The following MSR1 variants were observed in gnomAD, a reference collection of about 807,000 sequenced individuals.
MSR1 encodes the protein macrophage scavenger receptor 1, also known as macrophage scavenger receptor types I and II.
In MSR1, 53 loss-of-function variants were observed where a neutral mutation model predicts 47.2. That is an observed-to-expected ratio of 1.12 (90% CI 0.90 to 1.41). The LOEUF is 1.41. Among genes scored for constraint, MSR1 ranks in the 40% most tolerant of loss-of-function variants. The probability of loss-of-function intolerance (pLI) is 0.00; values close to 1 mark genes in which losing one functional copy is unlikely to be tolerated. For synonymous variants in MSR1, 239 were observed against 185.6 expected, an observed-to-expected ratio of 1.29 and a Z score of -2.34; for missense variants, 786 against 546.9, an observed-to-expected ratio of 1.44 and a Z score of -4.36.
At chr8:16,137,207 G>T (rs181275094) in intron 8 of MSR1, among the ~76,000 whole-genome samples, 1 of 152,132 alleles carries the variant, frequency 6.6e-6, no homozygotes, top group Non-Finnish European at 1.5e-5. Context: ...AGCTTTGTGA[G>T]CATTCTAGGA....
At position 16,170,493 on chromosome 8, in the gene MSR1, G is replaced by A; in HGVS notation, c.218-1623C>T. On this transcript the variant is annotated intron_variant, in intron 3 of 9. Transcript: ENST00000262101. ...ATTTATACCTTTTATCTACATGTATGTTAGTCATATTCATATTAGATTGGT... is the reference window on the plus strand; with the variant it reads ...ATTTATACCTTTTATCTACATGTATATTAGTCATATTCATATTAGATTGGT... Among the ~76,000 whole-genome samples the A allele has an allele frequency of 1.3e-5, 2 of 151,978 alleles. 1 individual carries two copies. Among genetic ancestry groups the A allele is most frequent in the Non-Finnish European group, 2.9e-5 (2 of 68,012 alleles).
chr8:16,119,808 G>A lies in MSR1; in HGVS notation c.1222+610C>T, dbSNP rs34291722. Among the ~76,000 whole-genome samples, 684 of 150,618 alleles carry A rather than the reference G, an allele frequency of 4.5e-3. 9 individuals carry two copies. The highest frequency in any genetic ancestry group is 0.016 in the African/African-American group (656 of 41,084). ...TGTAACCTGGAACTCCTGAGCCCAA[G>A]CGACCCTCCCACCTCAGCCTCTGTA... On this transcript the variant is annotated intron_variant, in intron 9 of 9. Transcript: ENST00000262101.
intron 6 of MSR1, among the ~76,000 whole-genome samples, chr8:16,154,590 G>C (rs545824082): frequency 2.6e-5 from 4 of 151,964 alleles, no homozygotes; most frequent in Admixed American, 6.6e-5. Context: ...AAGAAATATA[G>C]TCCAATTTGC....
chr8:16,149,824 G>C (rs1225362037), intron 7 of MSR1, among the ~76,000 whole-genome samples: 2 of 151,862 alleles, frequency 1.3e-5, no homozygotes, highest in Admixed American at 1.3e-4. Context: ...TTTACACTTT[G>C]CTTCTTTTTT....
At chr8:16,185,451 A>G (rs1179918072) in intron 1 of MSR1, among the ~76,000 whole-genome samples, 2 of 152,094 alleles carry the variant, frequency 1.3e-5, no homozygotes, top group Non-Finnish European at 2.9e-5. Context: ...CATTTACATC[A>G]TCTATTTATT....
At chr8:16,170,465 T>C (rs1009563165) in intron 3 of MSR1, among the ~76,000 whole-genome samples, 1 of 152,206 alleles carries the variant, frequency 6.6e-6, no homozygotes, top group East Asian at 1.9e-4. Flanking sequence ...TCTATATGTA[T>C]CTATTTATAC....
At chr8:16,156,968 G>C (rs768650214) in intron 5 of MSR1, among the ~76,000 whole-genome samples, 5 of 151,862 alleles carry the variant, frequency 3.3e-5, no homozygotes, top group African/African-American at 1.2e-4. Flanking sequence ...ACACTACATA[G>C]CAATGAATCC....
At chr8:16,152,954 G>T (rs1324855892) in intron 6 of MSR1, among the ~76,000 whole-genome samples, 2 of 151,956 alleles carry the variant, frequency 1.3e-5, no homozygotes, top group South Asian at 4.1e-4. Context: ...ATGCTTTCAA[G>T]GAAATAGCCC....
At chr8:16,169,266 G>A (rs1156539169) in intron 3 of MSR1, among the ~76,000 whole-genome samples, 1 of 152,196 alleles carries the variant, frequency 6.6e-6, no homozygotes, top group Non-Finnish European at 1.5e-5. Context: ...AAGTAAGCAT[G>A]TTGAATATGT....
rs189529817 is a variant in MSR1 at position 16,133,664 on chromosome 8, G to A, written c.1033+9894C>T. ...TGACTGGTCTGCTTTTGCTTTGACTGTAACACTTCTACCTCTTGGTAGCCA... is the reference window on the plus strand; with the variant it reads ...TGACTGGTCTGCTTTTGCTTTGACTATAACACTTCTACCTCTTGGTAGCCA... On this transcript the variant is annotated intron_variant, in intron 8 of 9. Transcript: ENST00000262101. Among the ~76,000 whole-genome samples the A allele has an allele frequency of 2.2e-3, 339 of 152,288 alleles. 1 individual carries two copies. Among genetic ancestry groups the A allele is most frequent in the Non-Finnish European group, 3.1e-3 (210 of 68,000 alleles).
At chr8:16,177,006 T>A (rs1404913187) in intron 2 of MSR1, among the ~76,000 whole-genome samples, 1 of 152,164 alleles carries the variant, frequency 6.6e-6, no homozygotes, top group Non-Finnish European at 1.5e-5. Context: ...CTTAGCGATA[T>A]GTATTTATAT....
intron 8 of MSR1, chr8:16,121,060 T>A: frequency 2.7e-6 from 1 of 371,938 alleles, no homozygotes; most frequent in Non-Finnish European, 5.2e-6. Context: ...TTTTAGAATA[T>A]CATAAACACA....
chr8:16,185,866 A>T (rs1031179160), intron 1 of MSR1, among the ~76,000 whole-genome samples: 1 of 150,848 alleles, frequency 6.6e-6, no homozygotes, highest in Non-Finnish European at 1.5e-5. Context: ...AAAAAACACC[A>T]CACACATAAA....
chr8:16,160,107 G>C (rs901767607), intron 5 of MSR1, among the ~76,000 whole-genome samples: 1 of 151,992 alleles, frequency 6.6e-6, no homozygotes, highest in East Asian at 1.9e-4. Flanking sequence ...GTCTAATGAC[G>C]GGGCAACAGA....
intron 1 of MSR1, among the ~76,000 whole-genome samples, chr8:16,190,570 T>G (rs575293473): frequency 2.6e-5 from 4 of 152,318 alleles, no homozygotes; most frequent in African/African-American, 9.6e-5. Context: ...TCACTGCTTA[T>G]ACATCCCCAC....
At chr8:16,119,281 G>A (rs1799943785) in intron 9 of MSR1, among the ~76,000 whole-genome samples, 1 of 151,680 alleles carries the variant, frequency 6.6e-6, no homozygotes, top group South Asian at 2.1e-4. Flanking sequence ...GTCACCCAGG[G>A]TGGAGTGCAG....
chr8:16,163,224 C>T (rs1414175807), intron 5 of MSR1, among the ~76,000 whole-genome samples: 1 of 151,640 alleles, frequency 6.6e-6, no homozygotes, highest in African/African-American at 2.4e-5. Flanking sequence ...GCAAAAGAAA[C>T]ATAAAATAAA....
intron 8 of MSR1, among the ~76,000 whole-genome samples, chr8:16,129,593 T>A (rs61282055): frequency 2.0e-5 from 3 of 152,004 alleles, no homozygotes; most frequent in South Asian, 4.2e-4. Flanking sequence ...CAAAAAATTT[T>A]AAAAAACAGC....
intron 8 of MSR1, among the ~76,000 whole-genome samples, chr8:16,132,218 G>A (rs1234331556): frequency 6.6e-6 from 1 of 151,848 alleles, no homozygotes; most frequent in East Asian, 1.9e-4. Context: ...CTTTTTAGCT[G>A]TATTCCTAGG....
Sources: allele counts gnomAD v4.1 joint callset (sites outside exome capture counted in the v4.1 genomes callset), GRCh38; gene constraint gnomAD v4.1.1; transcripts MANE v1.5; gene names NCBI Gene and HGNC (gene_info 2026-07-23, HGNC 2026-07-21).